Variants in RNF111 observed in about 807,000 individuals in gnomAD.
The protein encoded by RNF111 is ring finger protein 111.
In RNF111, 17 loss-of-function variants were observed where a neutral mutation model predicts 95.1. That is an observed-to-expected ratio of 0.18 (90% confidence interval 0.12 to 0.27). The LOEUF (loss-of-function observed/expected upper bound fraction) is 0.27. Ranked by LOEUF, RNF111 falls within the 10% of genes least tolerant of loss-of-function variation. The pLI is 1.00. For synonymous variants in RNF111, 440 were observed against 414.8 expected (o/e 1.06, Z -0.74); for missense variants, 1,189 against 1,210.4 (o/e 0.98, Z 0.26).
chr15:59,053,264 C>T (rs2042067918), intron 3 of RNF111, among the ~76,000 whole-genome samples: 1 of 152,166 alleles, frequency 6.6e-6, no homozygotes, highest in Admixed American at 6.5e-5. Flanking sequence ...CACTTTGACT[C>T]TCCCTCCAAA....
chr15:59,070,057 T>TG (rs2042848280), intron 6 of RNF111, among the ~76,000 whole-genome samples: 1 of 117,976 alleles, frequency 8.5e-6, no homozygotes, highest in Non-Finnish European at 1.8e-5. Context: ...TTTTTTTTTT[T>TG]TTAGAGAGGA....
chr15:59,003,895 A>C (rs2039430084), intron 1 of RNF111: 1 of 156,092 alleles, frequency 6.4e-6, no homozygotes, highest in South Asian at 1.8e-4. Context: ...AATAAGTGAT[A>C]GCTAATGTAT....
intron 6 of RNF111, among the ~76,000 whole-genome samples, chr15:59,072,144 A>G (rs1186163943): frequency 6.6e-6 from 1 of 152,206 alleles, no homozygotes; most frequent in East Asian, 1.9e-4. Context: ...CTTTTTGCTG[A>G]TGGAGGGTCT....
intron 1 of RNF111, among the ~76,000 whole-genome samples, chr15:59,006,532 A>G (rs1332312613): frequency 6.6e-6 from 1 of 152,238 alleles, no homozygotes; most frequent in Non-Finnish European, 1.5e-5. Context: ...TGCAAACAGA[A>G]AAGATGAAAG....
intron 1 of RNF111, among the ~76,000 whole-genome samples, chr15:59,022,035 T>A (rs1052359502): frequency 7.9e-5 from 12 of 152,088 alleles, no homozygotes; most frequent in African/African-American, 2.9e-4. Context: ...AATTTTTGTA[T>A]TTTTAGTTGA....
chr15:59,046,853 G>A (rs1441875847), intron 2 of RNF111, among the ~76,000 whole-genome samples: 3 of 152,102 alleles, frequency 2.0e-5, no homozygotes, highest in African/African-American at 7.2e-5. Context: ...GGATATATAA[G>A]GAACTCTTTA....
chr15:59,072,010 T>G (rs1386954251), intron 6 of RNF111, among the ~76,000 whole-genome samples: 1 of 152,222 alleles, frequency 6.6e-6, no homozygotes, highest in Non-Finnish European at 1.5e-5. Context: ...TTAAAAATAC[T>G]TCAGTTTAAA....
At chr15:59,056,787 A>C (rs1328318445) in intron 4 of RNF111, among the ~76,000 whole-genome samples, 2 of 152,304 alleles carry the variant, frequency 1.3e-5, no homozygotes, top group East Asian at 1.9e-4. Context: ...TCGTTAATGT[A>C]ATAGGGATTA....
Position 59,031,397 on chromosome 15 carries a change from T to A in RNF111, c.575T>A (p.Val192Glu), listed in dbSNP as rs775403876. 1.7e-5 allele frequency: 28 copies of A among 1,614,094 alleles called. No individual in the cohort carries two copies. The East Asian group carries it at 6.2e-4, about 36-fold the overall frequency. ...HKWPRTETES[V>E]SGLLMKRPCL... Reference sequence around the variant, plus strand: ...TGGCCTCGGACTGAGACAGAATCTGTATCGGGATTGTTAATGAAAAGACCC... The same window carrying A: ...TGGCCTCGGACTGAGACAGAATCTGAATCGGGATTGTTAATGAAAAGACCC... Residue 192 changes from valine (V) to glutamate (E), a missense_variant, in exon 2 of 14, where the codon GTA becomes GAA. Around this residue, in one of 2 missense-constraint regions of RNF111, gnomAD observed 1,024 missense variants for 925.9 expected, o/e 1.11. Coordinates refer to ENST00000348370, the MANE Select transcript of RNF111 (RefSeq NM_017610.8).
intron 8 of RNF111, among the ~76,000 whole-genome samples, chr15:59,082,519 A>G (rs2078775552): frequency 6.6e-6 from 1 of 152,172 alleles, no homozygotes. Context: ...TCAGGATCTG[A>G]TTTTCATATT....
At chr15:59,011,819 T>A (rs1429923968) in intron 1 of RNF111, among the ~76,000 whole-genome samples, 1 of 152,022 alleles carries the variant, frequency 6.6e-6, no homozygotes, top group Non-Finnish European at 1.5e-5. Context: ...GACTTCAACG[T>A]ATGAATTTTG....
chr15:59,019,756 C>G (rs963728998), intron 1 of RNF111, among the ~76,000 whole-genome samples: 4 of 152,028 alleles, frequency 2.6e-5, no homozygotes, highest in Non-Finnish European at 5.9e-5. Context: ...GTCAGGAATT[C>G]GAGACCGGCC....
At chr15:59,018,630 G>T (rs1567215075) in intron 1 of RNF111, among the ~76,000 whole-genome samples, 1 of 152,000 alleles carries the variant, frequency 6.6e-6, no homozygotes, top group Non-Finnish European at 1.5e-5. Flanking sequence ...CTACCCTATT[G>T]TTTCACTCCC....
intron 1 of RNF111, among the ~76,000 whole-genome samples, chr15:58,997,460 C>A (rs2039127059): frequency 6.6e-6 from 1 of 151,496 alleles, no homozygotes. Context: ...CAAATCAAGA[C>A]AGTGGCCAAA....
At chr15:59,053,424 G>A (rs1188737735) in intron 3 of RNF111, among the ~76,000 whole-genome samples, 1 of 152,190 alleles carries the variant, frequency 6.6e-6, no homozygotes, top group East Asian at 1.9e-4. Flanking sequence ...AACGAATTTA[G>A]AAGTGCATTT....
chr15:59,041,370 A>T (rs1364915232), intron 2 of RNF111, among the ~76,000 whole-genome samples: 1 of 152,178 alleles, frequency 6.6e-6, no homozygotes, highest in Non-Finnish European at 1.5e-5. Context: ...CCCGACCAAC[A>T]TGGTGAAACT....
intron 10 of RNF111, among the ~76,000 whole-genome samples, chr15:59,088,658 T>C (rs1012423679): frequency 2.6e-5 from 4 of 152,216 alleles, no homozygotes; most frequent in Non-Finnish European, 1.5e-5. Context: ...ATGGCAGTTA[T>C]GATCTATACA....
intron 12 of RNF111, among the ~76,000 whole-genome samples, 197 bp downstream of exon 12, chr15:59,091,351 G>A (rs548167613): frequency 6.6e-6 from 1 of 152,138 alleles, no homozygotes; most frequent in South Asian, 2.1e-4. Context: ...CTTCTTCCCA[G>A]AAGTGAAATC....
chr15:59,015,270 T>G (rs1292051823), intron 1 of RNF111, among the ~76,000 whole-genome samples: 3 of 152,252 alleles, frequency 2.0e-5, no homozygotes, highest in Non-Finnish European at 4.4e-5. Context: ...GAAGGCTTTC[T>G]TTGCATACTA....
Sources: gnomAD v4.1 joint callset for allele counts (sites outside exome capture counted in the v4.1 genomes callset) on GRCh38, gnomAD v4.1.1 for gene constraint, gnomAD v4.1.1 regional missense constraint, MANE v1.5 for transcripts, NCBI Gene and HGNC (gene_info 2026-07-23, HGNC 2026-07-21) for gene names.